TRERF1: variants seen among roughly 807,000 people sequenced by gnomAD.
TRERF1 encodes transcriptional regulating factor 1, also known as transcriptional-regulating factor 1.
Under a neutral mutation model 122.9 loss-of-function variants are expected in TRERF1, and 27 were observed. The ratio of observed to expected loss-of-function variants is 0.22; its 90% CI spans 0.16 to 0.30. TRERF1 has a LOEUF of 0.30. Among genes scored for constraint, TRERF1 ranks in the 10% least tolerant of loss-of-function variants. The pLI is 1.00. For missense variants in TRERF1, 1,248 were observed against 1,560.3 expected (o/e 0.80, Z 3.37); for synonymous variants, 636 against 641.7 (o/e 0.99, Z 0.13).
intron 2 of TRERF1, among the ~76,000 whole-genome samples, chr6:42,364,110 G>A (rs1263672291): frequency 6.6e-6 from 1 of 152,236 alleles, no homozygotes; most frequent in East Asian, 1.9e-4. Context: ...CCTCCTCCCT[G>A]ATGGACTGAG....
intron 2 of TRERF1, among the ~76,000 whole-genome samples, chr6:42,434,682 A>ACG (rs1735742083): frequency 6.6e-6 from 1 of 150,672 alleles, no homozygotes; most frequent in Non-Finnish European, 1.5e-5. Flanking sequence ...ACACACACAC[A>ACG]CACACACACA....
intron 4 of TRERF1, among the ~76,000 whole-genome samples, chr6:42,270,768 CTTTTTTTTTTTT>C (rs1175342905): frequency 8.4e-6 from 1 of 119,612 alleles, no homozygotes; most frequent in Admixed American, 8.6e-5. Flanking sequence ...GACCTCATCT[CTTTTTTTTTTTT>C]TTTTTTTTTT....
rs971591574 is a variant in TRERF1, at chr6:42,275,621, C to A, written c.-258-5773G>T. 2.0e-5 allele frequency among the ~76,000 whole-genome samples: 3 copies of A among 152,252 alleles called. No individual in the cohort carries two copies. The highest frequency in any genetic ancestry group is 4.8e-5 in the African/African-American group (2 of 41,472). ...AAACGCTCACTGAACTGCAACACTG[C>A]GCTAGGCAAAGGAGACCTAGAGTGG... On this transcript the variant is annotated intron_variant, in intron 4 of 17. Coordinates refer to ENST00000372922, the Ensembl canonical transcript of TRERF1. This position sits in a 1 kb window ranked among gnomAD's most constrained non-coding sequence, Gnocchi z 4.1.
At chr6:42,279,285 C>T (rs1781854389) in intron 4 of TRERF1, among the ~76,000 whole-genome samples, 1 of 152,124 alleles carries the variant, frequency 6.6e-6, no homozygotes, top group African/African-American at 2.4e-5. Context: ...AGGAAGGATC[C>T]TCCACTCCTG....
chr6:42,258,343 A>C, intron 9 of TRERF1, 142 bp from the exon 10 acceptor site: 2 of 742,634 alleles, frequency 2.7e-6, no homozygotes, highest in Non-Finnish European at 4.5e-6. Context: ...GACAGTTTCC[A>C]GGGAGCTGGG....
chr6:42,311,217 G>A (rs1788171331), intron 3 of TRERF1, among the ~76,000 whole-genome samples: 1 of 152,192 alleles, frequency 6.6e-6, no homozygotes, highest in Non-Finnish European at 1.5e-5. Context: ...TATGATGAAT[G>A]TTATGAAGGG....
chr6:42,336,452 C>T (rs532479577), intron 3 of TRERF1, among the ~76,000 whole-genome samples: 2 of 152,172 alleles, frequency 1.3e-5, no homozygotes, highest in South Asian at 4.2e-4. Context: ...GCCATAAATG[C>T]CCATTTCTAC....
At chr6:42,436,646 C>G (rs1785411918) in intron 2 of TRERF1, among the ~76,000 whole-genome samples, 1 of 151,484 alleles carries the variant, frequency 6.6e-6, no homozygotes, top group Non-Finnish European at 1.5e-5. Flanking sequence ...AATTTTTAAT[C>G]ACTAGACTTT....
At chr6:42,291,339 C>T (rs550751137) in intron 4 of TRERF1, among the ~76,000 whole-genome samples, 3 of 151,968 alleles carry the variant, frequency 2.0e-5, no homozygotes, top group East Asian at 1.9e-4. Context: ...AAGTCTATGC[C>T]GTAGTACAGG....
chr6:42,325,013 G>T (rs1280149111), intron 3 of TRERF1, among the ~76,000 whole-genome samples: 2 of 151,566 alleles, frequency 1.3e-5, no homozygotes, highest in African/African-American at 4.9e-5. Flanking sequence ...TCTGACAAAG[G>T]TCTAATATCC....
chr6:42,263,543 G>C lies in TRERF1; in HGVS notation c.1661C>G (p.Pro554Arg). 6.4e-7 allele frequency: 1 copy of C among 1,550,562 alleles called. No individual in the cohort carries two copies. Among genetic ancestry groups the C allele is most frequent in the Non-Finnish European group, 8.7e-7 (1 of 1,147,774 alleles). The change falls in exon 8 of 18, where the codon CCT (proline) becomes CGT (arginine). Residue 554 changes from proline (P) to arginine (R), a missense_variant. Pro to Arg is a moderately radical substitution (Grantham distance 103, BLOSUM62 -2). Coordinates refer to ENST00000372922, the Ensembl canonical transcript of TRERF1. This position sits in a 1 kb window ranked among gnomAD's most constrained non-coding sequence, Gnocchi z 5.6. ...AGGCGGCAGTGGTGGCTGGGGCTGA[G>C]GCGGCAGGACCTTCTCTCCTTCCTC...
chr6:42,351,094 A>G (rs1769355803), intron 3 of TRERF1, among the ~76,000 whole-genome samples: 1 of 152,172 alleles, frequency 6.6e-6, no homozygotes, highest in African/African-American at 2.4e-5. Flanking sequence ...ACAACACGAT[A>G]CTATTTTCAA....
intron 2 of TRERF1, among the ~76,000 whole-genome samples, chr6:42,427,243 C>T (rs143164611): frequency 7.2e-5 from 11 of 152,214 alleles, no homozygotes; most frequent in Admixed American, 2.6e-4. Context: ...ATGAGAAATA[C>T]GTTCTTTGGT....
chr6:42,266,576 A>T (rs748747327), intron 5 of TRERF1, among the ~76,000 whole-genome samples: 1 of 152,218 alleles, frequency 6.6e-6, no homozygotes, highest in Non-Finnish European at 1.5e-5. Context: ...TGAACCCCAG[A>T]CAAAACAAAC....
intron 2 of TRERF1, among the ~76,000 whole-genome samples, chr6:42,418,210 T>C (rs1412814061): frequency 1.2e-5 from 1 of 82,972 alleles, no homozygotes; most frequent in Non-Finnish European, 2.5e-5. Flanking sequence ...CTTCTTTCTT[T>C]TTCTTTCCTT....
In TRERF1 at chr6:42,289,347, CAA is replaced by C. The variant is rs752960127; in HGVS notation, c.-259+11289_-259+11290del. Among the ~76,000 whole-genome samples the C allele has an allele frequency of 3.6e-5, 4 of 112,276 alleles. No individual in the cohort carries two copies. The East Asian group carries it at 8.1e-4, about 23-fold the overall frequency. The allele number at this position is 112,276 out of a possible 152,430, so 73.7% of individuals were successfully genotyped here. ...CTCTGTCTCAAAAAAAACAAACAAACAAAAAAAAAACAAAAAAAAACACAACC... is the reference window on the plus strand; with the variant it reads ...CTCTGTCTCAAAAAAAACAAACAAACAAAAAAAACAAAAAAAAACACAACC... On this transcript the variant is annotated intron_variant, in intron 4 of 17. Coordinates refer to ENST00000372922, the Ensembl canonical transcript of TRERF1.
At chr6:42,424,801 C>A (rs936397656) in intron 2 of TRERF1, among the ~76,000 whole-genome samples, 5 of 152,192 alleles carry the variant, frequency 3.3e-5, no homozygotes, top group African/African-American at 9.7e-5. Flanking sequence ...GAGATCCTCT[C>A]CCAGCCTAAC....
intron 2 of TRERF1, among the ~76,000 whole-genome samples, chr6:42,432,208 G>T (rs183542415): frequency 1.3e-5 from 2 of 152,162 alleles, no homozygotes; most frequent in Admixed American, 1.3e-4. Context: ...TGTCTGGCAC[G>T]TGGTGAGCAT....
chr6:42,256,872 G>T (rs772915427), intron 11 of TRERF1, 41 bp from the exon 12 acceptor site: 3 of 1,612,506 alleles, frequency 1.9e-6, no homozygotes, highest in Non-Finnish European at 2.5e-6. Context: ...AGAGAGAGCT[G>T]AGTGTAATGG....
Sources: gnomAD v4.1 joint callset for allele counts (sites outside exome capture counted in the v4.1 genomes callset) on GRCh38, gnomAD v4.1.1 for gene constraint, Gnocchi (gnomAD v3.1) non-coding constraint, MANE v1.5 for transcripts, NCBI Gene and HGNC (gene_info 2026-07-23, HGNC 2026-07-21) for gene names.